HCN1: variants seen among roughly 807,000 people sequenced by gnomAD.
HCN1 encodes the protein potassium/sodium hyperpolarization-activated cyclic nucleotide-gated channel 1.
HCN1 carries 13 observed loss-of-function variants against 78.9 expected under a neutral mutation model. The observed-to-expected ratio is 0.16, with a 90% CI of 0.11 to 0.26. HCN1 has a LOEUF of 0.26. Among genes scored for constraint, HCN1 ranks in the 10% least tolerant of loss-of-function variants. The pLI is 1.00. For synonymous variants in HCN1, 552 were observed against 455.5 expected (o/e 1.21, Z -2.70); for missense variants, 810 against 1,154.3 (o/e 0.70, Z 4.32).
At chr5:45,525,110 G>GAT (rs2111789490) in intron 2 of HCN1, among the ~76,000 whole-genome samples, 1 of 152,222 alleles carries the variant, frequency 6.6e-6, no homozygotes, top group African/African-American at 2.4e-5. Flanking sequence ...CCTCTATTGA[G>GAT]ATAATCGTGG....
chr5:45,274,363 T>C (rs1745013103), intron 6 of HCN1, among the ~76,000 whole-genome samples: 1 of 152,152 alleles, frequency 6.6e-6, no homozygotes, highest in South Asian at 2.1e-4. Context: ...TCTTAAAACA[T>C]ATAAATTAGA....
At chr5:45,498,855 G>T (rs1018089352) in intron 2 of HCN1, among the ~76,000 whole-genome samples, 1 of 152,126 alleles carries the variant, frequency 6.6e-6, no homozygotes, top group Non-Finnish European at 1.5e-5. Context: ...TGAGGTGTCA[G>T]TCTGCCCCTG....
rs1744656119 is a variant in HCN1 at position 45,258,062 on chromosome 5, T to C, written c.*3859A>G. On this transcript the variant is annotated 3_prime_UTR_variant, in exon 8 of 8. Transcript: ENST00000303230. Reference sequence around the variant, plus strand: ...GGCACATGTTCTAAAAAGATAAAGATATAATGGAGAGATATCTCATTCAAA... The same window carrying C: ...GGCACATGTTCTAAAAAGATAAAGACATAATGGAGAGATATCTCATTCAAA... 1 of 152,082 alleles carries C rather than the reference T, an allele frequency of 6.6e-6. No homozygotes were observed. Among genetic ancestry groups the C allele is most frequent in the Non-Finnish European group, 1.5e-5 (1 of 67,998 alleles). The allele number at this position is 152,082 out of a possible 1,614,324, so 9.4% of individuals were successfully genotyped here. A position where few individuals can be genotyped will look rare whatever the true frequency, so the allele number is the denominator to read the frequency against.
At chr5:45,455,846 A>G (rs1004231848) in intron 3 of HCN1, among the ~76,000 whole-genome samples, 21 of 151,748 alleles carry the variant, frequency 1.4e-4, no homozygotes, top group African/African-American at 4.8e-4. Context: ...ACTGCTATTC[A>G]TAGGCCATTA....
At chr5:45,396,732 A>G (rs774371480) in intron 3 of HCN1, 22 bp from the exon 4 acceptor site, 1 of 1,588,032 alleles carries the variant, frequency 6.3e-7, no homozygotes, top group Non-Finnish European at 8.6e-7. Context: ...GATAAAAAGA[A>G]AATTGACTGA....
intron 2 of HCN1, among the ~76,000 whole-genome samples, chr5:45,548,780 T>C (rs569589152): frequency 5.9e-5 from 9 of 152,256 alleles, no homozygotes; most frequent in Admixed American, 5.2e-4. Context: ...CTTAAGCTGA[T>C]AGGTAACTTC....
chr5:45,519,520 T>C (rs1742574885), intron 2 of HCN1, among the ~76,000 whole-genome samples: 1 of 152,030 alleles, frequency 6.6e-6, no homozygotes. Flanking sequence ...ATGTGCAGTT[T>C]TCTCAAAATG....
chr5:45,377,100 G>C (rs1488657437), intron 4 of HCN1, among the ~76,000 whole-genome samples: 1 of 151,982 alleles, frequency 6.6e-6, no homozygotes, highest in African/African-American at 2.4e-5. Flanking sequence ...GGAAGTTATA[G>C]AGATACAGGT....
intron 3 of HCN1, among the ~76,000 whole-genome samples, chr5:45,403,378 T>TA (rs1167491000): frequency 6.6e-6 from 1 of 152,100 alleles, no homozygotes; most frequent in Non-Finnish European, 1.5e-5. Flanking sequence ...TGAGACTAGG[T>TA]AATTTATAAA....
intron 2 of HCN1, among the ~76,000 whole-genome samples, chr5:45,546,328 A>G (rs1308553403): frequency 6.6e-6 from 1 of 151,354 alleles, no homozygotes; most frequent in Non-Finnish European, 1.5e-5. Context: ...CTTTTTTTTC[A>G]TTTCTACTTC....
chr5:45,497,049 T>C (rs925135403), intron 2 of HCN1, among the ~76,000 whole-genome samples: 8 of 152,232 alleles, frequency 5.3e-5, no homozygotes, highest in Non-Finnish European at 8.8e-5. Flanking sequence ...CTAGTTTGAT[T>C]GCACTGTGGT....
At chr5:45,474,283 A>G (rs1741469674) in intron 2 of HCN1, among the ~76,000 whole-genome samples, 1 of 151,886 alleles carries the variant, frequency 6.6e-6, no homozygotes, top group African/African-American at 2.4e-5. Context: ...TCCTCTACAT[A>G]GTATAATACA....
chr5:45,535,092 C>T (rs563737779), intron 2 of HCN1, among the ~76,000 whole-genome samples: 17 of 152,132 alleles, frequency 1.1e-4, no homozygotes, highest in Non-Finnish European at 2.4e-4. Flanking sequence ...AAAACAATAG[C>T]AATATGCCTT....
intron 2 of HCN1, among the ~76,000 whole-genome samples, chr5:45,601,188 T>C (rs1744614053): frequency 6.6e-6 from 1 of 152,178 alleles, no homozygotes; most frequent in Non-Finnish European, 1.5e-5. Context: ...TGGATTTTGT[T>C]GTGTGTCTAT....
intron 2 of HCN1, among the ~76,000 whole-genome samples, chr5:45,610,693 A>G (rs1744815921): frequency 6.6e-6 from 1 of 151,242 alleles, no homozygotes; most frequent in African/African-American, 2.4e-5. Context: ...GTATCCCATA[A>G]TTAGCTTAAC....
In HCN1 at chr5:45,566,709, C is replaced by T. The variant is rs575258054; in HGVS notation, c.849+78476G>A. On this transcript the variant is annotated intron_variant, in intron 2 of 7. Coordinates refer to ENST00000303230, the MANE Select transcript of HCN1 (RefSeq NM_021072.4). ...ATAAAAGACTCCCTTGACTACAGGT[C>T]CTCATACGTAAGTGAAATGATCCTG... Among the ~76,000 whole-genome samples, 257 of 152,220 alleles carry T rather than the reference C, an allele frequency of 1.7e-3. 2 individuals carry two copies. Among genetic ancestry groups the T allele is most frequent in the Non-Finnish European group, 2.7e-3 (183 of 68,000 alleles).
chr5:45,301,562 T>TA (rs955424641), intron 6 of HCN1, among the ~76,000 whole-genome samples: 5 of 150,036 alleles, frequency 3.3e-5, no homozygotes, highest in South Asian at 2.1e-4. Flanking sequence ...TACAAAAAAT[T>TA]AAAAAATAGG....
Position 45,262,545 on chromosome 5 carries a change from G to T in HCN1, c.2049C>A (p.Pro683=). 6.2e-7 allele frequency: 1 copy of T among 1,613,936 alleles called. No individual in the cohort carries two copies. Among genetic ancestry groups the T allele is most frequent in the Non-Finnish European group, 8.5e-7 (1 of 1,180,012 alleles). The change falls in exon 8 of 8, where the codon CCC becomes CCA. Residue 683 remains proline (P), a synonymous_variant. Transcript: ENST00000303230. ...LSHSNLHSPS[P]STQTPQPSAI... is the part of the protein sequence containing the mutation. Reference sequence around the variant, plus strand: ...CTGATGGCTGGGGGGTCTGTGTGCTGGGACTGGGGGAGTGCAGGTTGCTGT... The same window carrying T: ...CTGATGGCTGGGGGGTCTGTGTGCTTGGACTGGGGGAGTGCAGGTTGCTGT...
intron 3 of HCN1, among the ~76,000 whole-genome samples, chr5:45,430,609 A>T (rs1397362222): frequency 6.6e-6 from 1 of 152,118 alleles, no homozygotes; most frequent in East Asian, 1.9e-4. Flanking sequence ...TGCTGCAAAG[A>T]ACATGATATT....
Sources: gnomAD v4.1 joint callset for allele counts (sites outside exome capture counted in the v4.1 genomes callset) on GRCh38, gnomAD v4.1.1 for gene constraint, MANE v1.5 for transcripts, NCBI Gene and HGNC (gene_info 2026-07-23, HGNC 2026-07-21) for gene names.